Variants in TMEM272 observed in about 807,000 individuals in gnomAD.
TMEM272 encodes transmembrane protein 272.
Under a neutral mutation model 3.7 loss-of-function variants are expected in TMEM272, and 8 were observed. The ratio of observed to expected loss-of-function variants is 2.17; its 90% CI spans 1.27 to 3.91. The LOEUF (loss-of-function observed/expected upper bound fraction) is 3.91. Ranked by LOEUF, TMEM272 falls within the 30% of genes most tolerant of loss-of-function variation. TMEM272 has a pLI of 0.00. For synonymous variants in TMEM272, 63 were observed against 39.8 expected, an observed-to-expected ratio of 1.58 and a Z score of -2.20; for missense variants, 166 against 91.5, an observed-to-expected ratio of 1.81 and a Z score of -3.32.
chr13:51,913,209 C>T, the TMEM272 span, among the ~76,000 whole-genome samples: 1 of 152,276 alleles, frequency 6.6e-6, no homozygotes, highest in African/African-American at 2.4e-5. Context: ...TCCCTTTCCC[C>T]CAAATGGCAG....
intron 4 of TMEM272, 50 bp from the exon 5 acceptor site, chr13:51,817,163 C>T (rs1423635472): frequency 2.1e-5 from 14 of 673,558 alleles, no homozygotes; most frequent in Admixed American, 4.1e-5. Flanking sequence ...GCAAAATAGA[C>T]GGGAAGAGAG....
chr13:51,887,076 TCTC>T, the TMEM272 span, among the ~76,000 whole-genome samples: 2 of 152,168 alleles, frequency 1.3e-5, no homozygotes, highest in African/African-American at 4.8e-5. Flanking sequence ...ATAAAGGTCT[TCTC>T]CTTATTTTCC....
At chr13:51,933,945 C>T in the TMEM272 span, 2 of 152,348 alleles carry the variant, frequency 1.3e-5, no homozygotes, top group African/African-American at 4.8e-5. Context: ...CTCTGAGGCC[C>T]TCACTCCAGC....
At chr13:51,924,250 C>A in the TMEM272 span, among the ~76,000 whole-genome samples, 1 of 152,070 alleles carries the variant, frequency 6.6e-6, no homozygotes, top group African/African-American at 2.4e-5. Context: ...AACAAAACAA[C>A]AACCAAAAAA....
the TMEM272 span, among the ~76,000 whole-genome samples, chr13:51,877,023 C>T: frequency 7.9e-5 from 12 of 152,262 alleles, no homozygotes; most frequent in Admixed American, 5.2e-4. Flanking sequence ...AAAGCTAAAG[C>T]CCCTTCTTCC....
At chr13:51,916,583 C>T in the TMEM272 span, among the ~76,000 whole-genome samples, 1 of 152,298 alleles carries the variant, frequency 6.6e-6, no homozygotes, top group East Asian at 1.9e-4. Flanking sequence ...GGATTTGGCC[C>T]TTCCAGCCAT....
the TMEM272 span, among the ~76,000 whole-genome samples, chr13:51,898,488 C>T: frequency 2.0e-5 from 3 of 151,704 alleles, no homozygotes; most frequent in Non-Finnish European, 2.9e-5. Flanking sequence ...GGTGTGATGG[C>T]AGCTACCACT....
chr13:51,881,863 G>C, the TMEM272 span, among the ~76,000 whole-genome samples: 289 of 152,228 alleles, frequency 1.9e-3, no homozygotes, highest in Non-Finnish European at 3.4e-3. Context: ...AAGCTGCTGA[G>C]GTTATGGTAT....
At chr13:51,866,369 A>G in the TMEM272 span, 4 of 316,038 alleles carry the variant, frequency 1.3e-5, no homozygotes, top group East Asian at 2.1e-4. Flanking sequence ...GGAAGTGGAG[A>G]CGCTTTGGCT....
chr13:51,817,574 C>A (rs1438696105), intron 4 of TMEM272, among the ~76,000 whole-genome samples: 1 of 152,200 alleles, frequency 6.6e-6, no homozygotes, highest in Non-Finnish European at 1.5e-5. Context: ...TTCCCTGGTA[C>A]TTCCAGGCCA....
At chr13:51,895,001 A>G in the TMEM272 span, among the ~76,000 whole-genome samples, 8 of 152,138 alleles carry the variant, frequency 5.3e-5, no homozygotes, top group African/African-American at 1.2e-4. Context: ...ACAGTTCACA[A>G]TAGGGTTCAT....
the TMEM272 span, among the ~76,000 whole-genome samples, chr13:51,914,351 G>GTCAC: frequency 6.6e-6 from 1 of 152,252 alleles, no homozygotes; most frequent in Non-Finnish European, 1.5e-5. Context: ...GAGCAGCACT[G>GTCAC]TCACCAAGGT....
chr13:51,919,766 G>A, the TMEM272 span, among the ~76,000 whole-genome samples: 1 of 152,212 alleles, frequency 6.6e-6, no homozygotes, highest in Non-Finnish European at 1.5e-5. Flanking sequence ...CTCCTGCTGC[G>A]CACCTGCGTG....
the TMEM272 span, among the ~76,000 whole-genome samples, chr13:51,863,793 C>T: frequency 8.5e-5 from 13 of 152,050 alleles, no homozygotes; most frequent in African/African-American, 2.4e-4. Flanking sequence ...GAAAATTTCC[C>T]CAATAGGTCT....
chr13:51,877,053 C>T, the TMEM272 span, among the ~76,000 whole-genome samples: 1 of 152,186 alleles, frequency 6.6e-6, no homozygotes, highest in South Asian at 2.1e-4. Context: ...TTGACACTCA[C>T]CAGTGTTCCT....
chr13:51,873,483 A>G, the TMEM272 span, among the ~76,000 whole-genome samples: 1 of 152,232 alleles, frequency 6.6e-6, no homozygotes. Context: ...TAAGATAAGC[A>G]TATTACTTAA....
At chr13:51,881,021 T>C in the TMEM272 span, among the ~76,000 whole-genome samples, 2 of 152,206 alleles carry the variant, frequency 1.3e-5, no homozygotes, top group African/African-American at 4.8e-5. Context: ...GATCATGGCC[T>C]ACACTGAAAA....
At chr13:51,851,240 G>T in the TMEM272 span, among the ~76,000 whole-genome samples, 2 of 151,932 alleles carry the variant, frequency 1.3e-5, no homozygotes, top group Non-Finnish European at 1.5e-5. Flanking sequence ...GGACTGAGGT[G>T]GGAGGATCAC....
the TMEM272 span, among the ~76,000 whole-genome samples, chr13:51,884,465 T>C: frequency 6.6e-6 from 1 of 152,222 alleles, no homozygotes. Flanking sequence ...ATATGTGAAA[T>C]GAATAGTTGA....
Sources: gnomAD v4.1 joint callset for allele counts (sites outside exome capture counted in the v4.1 genomes callset) on GRCh38, gnomAD v4.1.1 for gene constraint, MANE v1.5 for transcripts, NCBI Gene and HGNC (gene_info 2026-07-23, HGNC 2026-07-21) for gene names.